TYW1B: variants seen among roughly 807,000 people sequenced by gnomAD.
The protein encoded by TYW1B is tRNA-yW synthesizing protein 1 homolog B, also known as S-adenosyl-L-methionine-dependent tRNA 4-demethylwyosine synthase TYW1B.
A neutral mutation model predicts 86.9 loss-of-function variants in TYW1B; 73 were observed. The observed-to-expected ratio is 0.84, with a 90% CI of 0.70 to 1.02. TYW1B has a LOEUF of 1.02. Among genes scored for constraint, TYW1B ranks in the 50% least tolerant of loss-of-function variants. TYW1B has a pLI of 0.00. For missense variants in TYW1B, 637 were observed against 827.4 expected (o/e 0.77, Z 2.82); for synonymous variants, 248 against 292.8 (o/e 0.85, Z 1.56).
At chr7:72,581,738 C>T (rs1262091410) in intron 13 of TYW1B, among the ~76,000 whole-genome samples, 2 of 151,808 alleles carry the variant, frequency 1.3e-5, no homozygotes, top group Admixed American at 1.3e-4. Context: ...CTCAGAAAAA[C>T]TTCTAACATG....
chr7:72,735,639 G>A (rs1227167518), intron 8 of TYW1B, among the ~76,000 whole-genome samples: 3 of 151,896 alleles, frequency 2.0e-5, no homozygotes, highest in African/African-American at 7.3e-5. Flanking sequence ...GAAGGCCAAG[G>A]GAGGCAGATC....
intron 9 of TYW1B, among the ~76,000 whole-genome samples, chr7:72,725,866 GTCTC>G (rs782569644): frequency 4.6e-5 from 7 of 151,800 alleles, no homozygotes; most frequent in Non-Finnish European, 1.0e-4. Flanking sequence ...CAGTCTCTCT[GTCTC>G]TCTCTCTCCC....
intron 11 of TYW1B, among the ~76,000 whole-genome samples, chr7:72,632,388 G>GTATATATATATAATGTATATATACA (rs1812538064): frequency 1.4e-5 from 1 of 70,328 alleles, no homozygotes; most frequent in Admixed American, 2.0e-4. Context: ...ATATATATAC[G>GTATATATATATAATGTATATATACA]TATATATATA....
At chr7:72,671,940 T>G (rs1813615842) in intron 11 of TYW1B, among the ~76,000 whole-genome samples, 2 of 151,460 alleles carry the variant, frequency 1.3e-5, no homozygotes, top group Non-Finnish European at 1.5e-5. Context: ...GGATAAATAT[T>G]TTATAAAGTC....
chr7:72,779,712 C>CAAAAAAAAAAA (rs58301724), intron 6 of TYW1B, among the ~76,000 whole-genome samples: 2 of 64,256 alleles, frequency 3.1e-5, no homozygotes, highest in African/African-American at 1.2e-4. Flanking sequence ...GACTCTGCCT[C>CAAAAAAAAAAA]AAAAAAAAAA....
At chr7:72,712,944 G>A (rs1292153531) in intron 10 of TYW1B, among the ~76,000 whole-genome samples, 3 of 152,058 alleles carry the variant, frequency 2.0e-5, no homozygotes, top group African/African-American at 7.2e-5. Flanking sequence ...TCTTTCTCAG[G>A]AAGTTCCTTA....
At position 72,815,422 on chromosome 7, in the gene TYW1B, A is replaced by C. The variant is rs781842289; in HGVS notation, c.195T>G (p.Ile65Met). The part of the protein sequence containing the change: ...VTSLDLPVAI[I>M]NLKEYDPDDH... ...CATCTGGATCATATTCTTTTAGATT[A>C]ATAATGGCCACAGGCAGATCCAGGG... The change falls in exon 3 of 14, where the codon ATT (isoleucine) becomes ATG (methionine). Residue 65 changes from isoleucine to methionine, a missense_variant. Ile to Met is a conservative substitution (Grantham distance 10, BLOSUM62 1). Coordinates refer to ENST00000620995, the MANE Select transcript of TYW1B (RefSeq NM_001145440.3). 3 of 1,610,252 alleles carry C rather than the reference A, an allele frequency of 1.9e-6. No homozygotes were observed. Among genetic ancestry groups the C allele is most frequent in the Admixed American group, 3.4e-5 (2 of 58,900 alleles).
intron 5 of TYW1B, among the ~76,000 whole-genome samples, chr7:72,806,339 G>C (rs1185675287): frequency 1.3e-5 from 2 of 150,162 alleles, no homozygotes; most frequent in Non-Finnish European, 3.0e-5. Context: ...GGGTTCAAGC[G>C]ATTCTCATGC....
At chr7:72,585,209 T>C (rs1361526265) in intron 13 of TYW1B, among the ~76,000 whole-genome samples, 7 of 152,172 alleles carry the variant, frequency 4.6e-5, no homozygotes, top group Non-Finnish European at 8.8e-5. Context: ...CCAGCCACTG[T>C]CTCAAACCAG....
At chr7:72,804,569 G>C (rs1413832601) in intron 5 of TYW1B, among the ~76,000 whole-genome samples, 3 of 152,168 alleles carry the variant, frequency 2.0e-5, no homozygotes, top group Non-Finnish European at 4.4e-5. Flanking sequence ...TGGGTGCAGT[G>C]GCTCACACTT....
At chr7:72,775,905 TTAAA>T (rs1266805599) in intron 7 of TYW1B, among the ~76,000 whole-genome samples, 1 of 152,010 alleles carries the variant, frequency 6.6e-6, no homozygotes, top group Non-Finnish European at 1.5e-5. Context: ...TAGTACATAA[TTAAA>T]TAGATGTTTT....
At chr7:72,756,090 G>A (rs1554465934) in intron 7 of TYW1B, among the ~76,000 whole-genome samples, 1 of 152,054 alleles carries the variant, frequency 6.6e-6, no homozygotes, top group Non-Finnish European at 1.5e-5. Flanking sequence ...TCAGCAGAAG[G>A]GAACATAAGT....
chr7:72,756,114 A>G (rs1222392680), intron 7 of TYW1B, among the ~76,000 whole-genome samples: 2 of 152,248 alleles, frequency 1.3e-5, no homozygotes, highest in East Asian at 3.8e-4. Flanking sequence ...AACCCAGGAT[A>G]GAAATGTTTA....
chr7:72,699,745 G>C (rs1466329138), intron 10 of TYW1B, among the ~76,000 whole-genome samples: 3 of 151,906 alleles, frequency 2.0e-5, no homozygotes, highest in African/African-American at 7.3e-5. Context: ...CACCTCCCGG[G>C]TTCAAGCAAT....
At chr7:72,583,835 A>C (rs1811213342) in intron 13 of TYW1B, among the ~76,000 whole-genome samples, 2 of 152,206 alleles carry the variant, frequency 1.3e-5, no homozygotes, top group African/African-American at 4.8e-5. Context: ...TATCTTTAGA[A>C]TGAGAGCAAA....
intron 8 of TYW1B, among the ~76,000 whole-genome samples, chr7:72,733,926 A>G (rs1787156503): frequency 6.6e-6 from 1 of 152,194 alleles, no homozygotes; most frequent in Non-Finnish European, 1.5e-5. Flanking sequence ...AATCCTATGC[A>G]GAATGAACAC....
intron 10 of TYW1B, among the ~76,000 whole-genome samples, chr7:72,700,088 G>A (rs1357357142): frequency 2.0e-5 from 3 of 149,838 alleles, no homozygotes; most frequent in African/African-American, 7.4e-5. Context: ...ACACTTTTGG[G>A]CACATGGGAT....
intron 8 of TYW1B, among the ~76,000 whole-genome samples, chr7:72,739,114 C>G (rs1264612480): frequency 6.6e-6 from 1 of 151,952 alleles, no homozygotes; most frequent in African/African-American, 2.4e-5. Context: ...TATTTTTTAA[C>G]AGATCTTATT....
chr7:72,727,865 T>C (rs1787031495), intron 9 of TYW1B, among the ~76,000 whole-genome samples: 1 of 150,762 alleles, frequency 6.6e-6, no homozygotes, highest in South Asian at 2.1e-4. Context: ...CTCTTGCGCT[T>C]ACTGACCCAA....
Sources: gnomAD v4.1 joint callset for allele counts (sites outside exome capture counted in the v4.1 genomes callset) on GRCh38, gnomAD v4.1.1 for gene constraint, MANE v1.5 for transcripts, NCBI Gene and HGNC (gene_info 2026-07-23, HGNC 2026-07-21) for gene names.